ZBTB8OS: variants seen among roughly 807,000 people sequenced by gnomAD.
The protein encoded by ZBTB8OS is tRNA-splicing ligase-activating factor archease.
ZBTB8OS carries 16 observed loss-of-function variants against 29.3 expected under a neutral mutation model. The observed-to-expected ratio is 0.55, with a 90% CI of 0.37 to 0.83. The LOEUF is 0.83. Ranked by LOEUF, ZBTB8OS falls within the 40% of genes least tolerant of loss-of-function variation. ZBTB8OS has a pLI of 0.00. For missense variants in ZBTB8OS, 160 were observed against 196.9 expected, an observed-to-expected ratio of 0.81 and a Z score of 1.12; for synonymous variants, 70 against 64.6, an observed-to-expected ratio of 1.08 and a Z score of -0.40.
At chr1:32,626,542 T>C (rs1459072996) in intron 6 of ZBTB8OS, among the ~76,000 whole-genome samples, 1 of 152,048 alleles carries the variant, frequency 6.6e-6, no homozygotes, top group African/African-American at 2.4e-5. Context: ...TACATCTTTA[T>C]TTATTTACTT....
At chr1:32,648,206 T>A (rs1311606088) in intron 1 of ZBTB8OS, among the ~76,000 whole-genome samples, 1 of 152,188 alleles carries the variant, frequency 6.6e-6, no homozygotes, top group Non-Finnish European at 1.5e-5. Flanking sequence ...AAAAGTATGG[T>A]AACAATTAGT....
Position 32,631,836 on chromosome 1 carries a change from C to A in ZBTB8OS, c.371G>T (p.Arg124Leu). 1 of 1,594,526 alleles carries A rather than the reference C, an allele frequency of 6.3e-7. No homozygotes were observed. Among genetic ancestry groups the A allele is most frequent in the South Asian group, 1.1e-5 (1 of 87,688 alleles). ...GACTTTCAAAACTTACCCAATTGAT[C>A]GTAATTTGAAATTTCTTTGATCAAT... ...LSIDQRNFKL[R>L]SIGWGEEFSL... is the part of the protein sequence containing the mutation. Residue 124 changes from arginine to leucine, a missense_variant, in exon 5 of 7, where the codon CGA becomes CTA. Transcript: ENST00000468695.
chr1:32,637,724 A>G (rs786464), intron 1 of ZBTB8OS, among the ~76,000 whole-genome samples: 25,261 of 152,174 alleles, frequency 0.17, 4,379 homozygotes, highest in African/African-American at 0.44. Context: ...TCTGGTGATG[A>G]ACACGTTCTA....
chr1:32,646,380 TTTTTA>T (rs1646831535), intron 1 of ZBTB8OS, among the ~76,000 whole-genome samples: 1 of 151,938 alleles, frequency 6.6e-6, no homozygotes, highest in African/African-American at 2.4e-5. Context: ...CAATTAAAGT[TTTTTA>T]TTTTATTATT....
At chr1:32,645,547 G>A (rs552985824) in intron 1 of ZBTB8OS, among the ~76,000 whole-genome samples, 10 of 152,248 alleles carry the variant, frequency 6.6e-5, no homozygotes, top group South Asian at 4.1e-4. Context: ...AAAGGGCCAA[G>A]AGATTTTGTT....
intron 1 of ZBTB8OS, among the ~76,000 whole-genome samples, chr1:32,649,160 G>A (rs1557833293): frequency 1.3e-5 from 2 of 151,142 alleles, no homozygotes; most frequent in Admixed American, 6.6e-5. Flanking sequence ...TAGAGACGGG[G>A]TTTCACCATG....
chr1:32,641,014 A>AAAAAAAAAG lies in ZBTB8OS; in HGVS notation c.98-6223_98-6222insCTTTTTTTT, dbSNP rs1646352242. On this transcript the variant is annotated intron_variant, in intron 1 of 6. Coordinates refer to ENST00000468695, the MANE Select transcript of ZBTB8OS (RefSeq NM_178547.5). ...ACCCTGTCTCTACTAAAAATACAAA[A>AAAAAAAAAG]AAAAAAAAATTAGCTGGGCATGGTG... Among the ~76,000 whole-genome samples, 2 of 148,532 alleles carry AAAAAAAAAG rather than the reference A, an allele frequency of 1.3e-5. 1 individual carries two copies. The highest frequency in any genetic ancestry group is 3.0e-5 in the Non-Finnish European group (2 of 66,922).
Position 32,627,835 on chromosome 1 carries a change from G to A in ZBTB8OS, c.381-291C>T, listed in dbSNP as rs1645232384. On this transcript the variant is annotated intron_variant, in intron 5 of 6. Transcript: ENST00000468695. ...GGATCGCTTGAGCCCAGGAGTTTGA[G>A]AACAGCCTGAGCAACATAGGGAGAC... The A allele has an allele frequency of 3.3e-5, 13 of 393,732 alleles. No homozygotes were observed. In the South Asian group the frequency reaches 4.5e-4, roughly 14 times the overall value. 24.4% of individuals were successfully genotyped at this position (393,732 alleles called of 1,614,324 possible).
intron 4 of ZBTB8OS, 124 bp downstream of exon 4, chr1:32,633,521 T>G (rs551979765): frequency 2.9e-6 from 2 of 686,512 alleles, no homozygotes; most frequent in African/African-American, 1.8e-5. Flanking sequence ...TCTCTGCAAA[T>G]CAGTATCATC....
intron 6 of ZBTB8OS, among the ~76,000 whole-genome samples, chr1:32,625,303 T>C (rs1420360642): frequency 6.6e-6 from 1 of 151,340 alleles, no homozygotes; most frequent in Non-Finnish European, 1.5e-5. Context: ...GAGGCTGAGG[T>C]AGGTAAATCA....
Position 32,627,509 on chromosome 1 carries a change from T to C in ZBTB8OS, c.416A>G (p.Gln139Arg). 6.2e-7 allele frequency: 1 copy of C among 1,613,702 alleles called. No homozygotes were observed. Among genetic ancestry groups the C allele is most frequent in the Non-Finnish European group, 8.5e-7 (1 of 1,179,816 alleles). The change falls in exon 6 of 7, where the codon CAG (glutamine) becomes CGG (arginine). Residue 139 changes from glutamine to arginine, a missense_variant and splice_region_variant. Gln to Arg is a conservative substitution (Grantham distance 43). Transcript: ENST00000468695. ...GEEFSLSKHP[Q>R]GTEVKAITYS... The stretch of plus-strand genomic sequence containing the variant: ...TAATGGCTGGATTTTAAAACATACC[T>C]GAGGGTGCTTGGACAATGAAAATTC...
intron 4 of ZBTB8OS, chr1:32,633,426 A>G: frequency 2.1e-6 from 1 of 470,342 alleles, no homozygotes; most frequent in East Asian, 3.8e-5. Context: ...AATCCTGATT[A>G]GTGACAAATA....
intron 1 of ZBTB8OS, among the ~76,000 whole-genome samples, chr1:32,636,644 C>T (rs149470387): frequency 0.026 from 3,963 of 150,068 alleles, 202 homozygotes; most frequent in African/African-American, 0.092. Context: ...GAGCCAAGAT[C>T]GCGCCACTGC....
chr1:32,630,714 T>TG (rs1429171142), intron 5 of ZBTB8OS, among the ~76,000 whole-genome samples: 1 of 151,672 alleles, frequency 6.6e-6, no homozygotes, highest in African/African-American at 2.4e-5. Flanking sequence ...AACCCATTTC[T>TG]AAAAAAATAA....
intron 6 of ZBTB8OS, among the ~76,000 whole-genome samples, chr1:32,624,907 G>A (rs1431269857): frequency 2.7e-5 from 4 of 146,512 alleles, no homozygotes; most frequent in Non-Finnish European, 6.0e-5. Context: ...AAAAAAAAAA[G>A]AGTTATTTGA....
chr1:32,640,995 T>C (rs1468540738), intron 1 of ZBTB8OS, among the ~76,000 whole-genome samples: 5 of 13,068 alleles, frequency 3.8e-4, no homozygotes, highest in African/African-American at 9.6e-4. Context: ...TGAAACCCTG[T>C]CTCTACTAAA....
intron 1 of ZBTB8OS, among the ~76,000 whole-genome samples, chr1:32,649,516 G>A (rs1647120383): frequency 6.6e-6 from 1 of 151,988 alleles, no homozygotes; most frequent in African/African-American, 2.4e-5. Context: ...TAGGTTATGT[G>A]ATTTGCCTAA....
chr1:32,647,041 C>CAAAAAAAAAAAAAAA (rs71006347), intron 1 of ZBTB8OS, among the ~76,000 whole-genome samples: 1 of 39,394 alleles, frequency 2.5e-5, no homozygotes, highest in Non-Finnish European at 4.3e-5. Flanking sequence ...GATACTGTCT[C>CAAAAAAAAAAAAAAA]AAAAAAAAAA....
chr1:32,642,425 A>G (rs1463119335), intron 1 of ZBTB8OS, among the ~76,000 whole-genome samples: 1 of 150,912 alleles, frequency 6.6e-6, no homozygotes, highest in African/African-American at 2.4e-5. Context: ...AATTGCTTGA[A>G]CCCAGGAGAC....
Sources: gnomAD v4.1 joint callset for allele counts (sites outside exome capture counted in the v4.1 genomes callset) on GRCh38, gnomAD v4.1.1 for gene constraint, MANE v1.5 for transcripts, NCBI Gene and HGNC (gene_info 2026-07-23, HGNC 2026-07-21) for gene names.